Variants in PRKCE observed in about 807,000 individuals in gnomAD.
PRKCE encodes protein kinase C epsilon type.
In PRKCE, 16 loss-of-function variants were observed where a neutral mutation model predicts 85.4. That is an observed-to-expected ratio of 0.19 (90% CI 0.13 to 0.28). The LOEUF (loss-of-function observed/expected upper bound fraction) is 0.28, where lower values mean the gene tolerates loss of function less well. Ranked by LOEUF, PRKCE falls within the 10% of genes least tolerant of loss-of-function variation. The pLI is 1.00. For missense variants in PRKCE, 573 were observed against 975.2 expected (o/e 0.59, Z 5.49); for synonymous variants, 388 against 371.5 (o/e 1.04, Z -0.51).
chr2:46,072,741 G>C (rs1668185292), intron 10 of PRKCE, among the ~76,000 whole-genome samples: 1 of 152,222 alleles, frequency 6.6e-6, no homozygotes. Flanking sequence ...ATGGCCCTGG[G>C]AACTCCATGA....
At position 45,897,651 on chromosome 2, in the gene PRKCE, G is replaced by T. The variant is rs185614189; in HGVS notation, c.412+54588G>T. Among the ~76,000 whole-genome samples the T allele has an allele frequency of 1.1e-3, 172 of 152,232 alleles. 1 individual carries two copies. The highest frequency in any genetic ancestry group is 3.9e-3 in the African/African-American group (164 of 41,526). On this transcript the variant is annotated intron_variant, in intron 2 of 14. Coordinates refer to ENST00000306156, the MANE Select transcript of PRKCE (RefSeq NM_005400.3). ...CATTTTTTATGGCTACATTTCAGTG[G>T]CTTTCATGACAGAGATTATTTGTTT... is the stretch of plus-strand genomic sequence containing the variant.
chr2:45,661,549 G>A (rs34921904), intron 1 of PRKCE, among the ~76,000 whole-genome samples: 4 of 53,990 alleles, frequency 7.4e-5, no homozygotes, highest in East Asian at 5.1e-4. Context: ...TTTTTTTTTA[G>A]AAGGAGTCTC....
At chr2:46,146,870 T>C (rs931796332) in intron 12 of PRKCE, among the ~76,000 whole-genome samples, 3 of 152,214 alleles carry the variant, frequency 2.0e-5, no homozygotes, top group Non-Finnish European at 2.9e-5. Context: ...GTGCTCATAG[T>C]AATGAATGAG....
intron 10 of PRKCE, chr2:46,073,890 A>G (rs1213244108): frequency 2.0e-5 from 3 of 152,168 alleles, no homozygotes; most frequent in Non-Finnish European, 4.4e-5. Context: ...TAACTGCTGC[A>G]CAGACCACGC....
chr2:46,105,799 A>G (rs1021483068), intron 11 of PRKCE, among the ~76,000 whole-genome samples: 1 of 152,262 alleles, frequency 6.6e-6, no homozygotes, highest in Admixed American at 6.5e-5. Context: ...GGAGGTGGCT[A>G]CAAAATTATT....
intron 1 of PRKCE, among the ~76,000 whole-genome samples, chr2:45,744,440 TCTTTCTTTC>T (rs1394485889): frequency 5.9e-5 from 3 of 50,470 alleles, no homozygotes; most frequent in African/African-American, 2.9e-4. Context: ...TTTCTTTCTT[TCTTTCTTTC>T]TTTCTTTCTT....
chr2:45,826,592 G>T (rs930190255), intron 1 of PRKCE, among the ~76,000 whole-genome samples: 4 of 152,140 alleles, frequency 2.6e-5, no homozygotes, highest in African/African-American at 9.7e-5. Context: ...CAGGTCTTAA[G>T]CTTGGACCTT....
At chr2:46,022,855 G>A (rs557807578) in intron 10 of PRKCE, among the ~76,000 whole-genome samples, 33 of 151,674 alleles carry the variant, frequency 2.2e-4, no homozygotes, top group African/African-American at 6.8e-4. Flanking sequence ...AGGCCGAGGC[G>A]GGTGGATCAT....
chr2:45,732,922 A>G (rs1239851793), intron 1 of PRKCE, among the ~76,000 whole-genome samples: 1 of 152,240 alleles, frequency 6.6e-6, no homozygotes. Flanking sequence ...GATGTCCTAG[A>G]TCAAGGGTCG....
chr2:45,965,055 G>A (rs2104450377), intron 2 of PRKCE, among the ~76,000 whole-genome samples: 1 of 152,292 alleles, frequency 6.6e-6, no homozygotes, highest in East Asian at 1.9e-4. Flanking sequence ...ATTACATGCA[G>A]AATAAAACAT....
chr2:45,709,406 C>A lies in PRKCE; in HGVS notation c.348+56958C>A, dbSNP rs563291291. 2.6e-5 allele frequency among the ~76,000 whole-genome samples: 4 copies of A among 152,380 alleles called. No individual in the cohort carries two copies. In the South Asian group the frequency reaches 8.3e-4, roughly 32 times the overall value. On this transcript the variant is annotated intron_variant, in intron 1 of 14. Transcript: ENST00000306156. Reference sequence around the variant, plus strand: ...CTCTTGCTTCATGCCCTATATCAGCCAGCTATTTGACCTTGGACAAGGCCC... The same window carrying A: ...CTCTTGCTTCATGCCCTATATCAGCAAGCTATTTGACCTTGGACAAGGCCC...
intron 2 of PRKCE, among the ~76,000 whole-genome samples, chr2:45,956,445 C>A (rs1020840217): frequency 6.6e-6 from 1 of 151,360 alleles, no homozygotes; most frequent in Non-Finnish European, 1.5e-5. Context: ...TTTGGGAGGT[C>A]AAGGTGGGTG....
chr2:45,720,337 G>A (rs554054334), intron 1 of PRKCE, among the ~76,000 whole-genome samples: 6 of 152,244 alleles, frequency 3.9e-5, no homozygotes, highest in Non-Finnish European at 8.8e-5. Context: ...GGAGGTTGGC[G>A]GGGGCGGTAG....
At chr2:45,977,878 T>C (rs1250478659) in intron 3 of PRKCE, among the ~76,000 whole-genome samples, 5 of 152,172 alleles carry the variant, frequency 3.3e-5, no homozygotes, top group Non-Finnish European at 5.9e-5. Context: ...GAAGCTGATG[T>C]AGAGGTTGCC....
At chr2:45,887,010 T>G (rs1437864200) in intron 2 of PRKCE, among the ~76,000 whole-genome samples, 1 of 152,216 alleles carries the variant, frequency 6.6e-6, no homozygotes, top group Admixed American at 6.5e-5. Flanking sequence ...GCTCAGAGTT[T>G]AAGTAATATG....
chr2:45,698,251 G>T (rs1678319956), intron 1 of PRKCE, among the ~76,000 whole-genome samples: 1 of 152,228 alleles, frequency 6.6e-6, no homozygotes, highest in African/African-American at 2.4e-5. Flanking sequence ...ACCCAGATTG[G>T]TGGTAGGTGA....
In PRKCE at chr2:46,185,277, C is replaced by A; in HGVS notation, c.*396C>A. On this transcript the variant is annotated 3_prime_UTR_variant, in exon 15 of 15. Coordinates refer to ENST00000306156, the MANE Select transcript of PRKCE (RefSeq NM_005400.3). This position sits in a 1 kb window ranked among gnomAD's most constrained non-coding sequence, Gnocchi z 4.7. ...CCGGCTCTGCTATCGGACACAGATC[C>A]TGATCCCTCTTGCTTCTTTTCCCTC... 5.5e-6 allele frequency: 1 copy of A among 180,346 alleles called. No individual in the cohort carries two copies. 11.2% of individuals were successfully genotyped at this position (180,346 alleles called of 1,614,324 possible).
At chr2:46,125,780 T>C (rs1405379299) in intron 11 of PRKCE, among the ~76,000 whole-genome samples, 2 of 152,218 alleles carry the variant, frequency 1.3e-5, no homozygotes, top group Non-Finnish European at 2.9e-5. Flanking sequence ...CCTATGACAA[T>C]GAGTCATTCT....
At chr2:45,720,173 A>T (rs922216953) in intron 1 of PRKCE, among the ~76,000 whole-genome samples, 4 of 152,184 alleles carry the variant, frequency 2.6e-5, no homozygotes, top group Non-Finnish European at 4.4e-5. Flanking sequence ...GAGGAACTGT[A>T]GCAAGGTGCA....
Sources: gnomAD v4.1 joint callset for allele counts (sites outside exome capture counted in the v4.1 genomes callset) on GRCh38, gnomAD v4.1.1 for gene constraint, Gnocchi (gnomAD v3.1) non-coding constraint, MANE v1.5 for transcripts, NCBI Gene and HGNC (gene_info 2026-07-23, HGNC 2026-07-21) for gene names.